Variants in DNAJC18 observed in about 807,000 individuals in gnomAD.
DNAJC18 encodes dnaJ homolog subfamily C member 18.
A neutral mutation model predicts 48.6 loss-of-function variants in DNAJC18; 40 were observed. The ratio of observed to expected loss-of-function variants is 0.82; its 90% CI spans 0.64 to 1.07. DNAJC18 has a LOEUF of 1.07. Ranked by LOEUF, DNAJC18 falls within the 50% of genes least tolerant of loss-of-function variation. The pLI is 0.00. For synonymous variants in DNAJC18, 135 were observed against 152.2 expected (o/e 0.89, Z 0.83); for missense variants, 340 against 427.7 (o/e 0.79, Z 1.81).
intron 1 of DNAJC18, among the ~76,000 whole-genome samples, chr5:139,437,762 G>C (rs1168204580): frequency 6.6e-6 from 1 of 152,176 alleles, no homozygotes; most frequent in African/African-American, 2.4e-5. Flanking sequence ...AAGAGACACT[G>C]CTCGTAAAAT....
At position 139,426,265 on chromosome 5, in the gene DNAJC18, G is replaced by C. The variant is rs890687227; in HGVS notation, c.466C>G (p.Arg156Gly). 8.1e-6 allele frequency: 13 copies of C among 1,614,098 alleles called. No individual in the cohort carries two copies. Among genetic ancestry groups the C allele is most frequent in the Non-Finnish European group, 1.1e-5 (13 of 1,180,044 alleles). ...GDEQVTFTAP[R>G]ARPYNYYRDF... ...CTGTAATAATTATAAGGTCTGGCTC[G>C]AGGGGCAGTGAAAGTCACCTGTTCA... The change falls in exon 4 of 8, where the codon CGA (arginine) becomes GGA (glycine). Residue 156 changes from arginine to glycine, a missense_variant. Arg to Gly is a moderately radical substitution (Grantham distance 125). Coordinates refer to ENST00000302060, the MANE Select transcript of DNAJC18 (RefSeq NM_152686.4).
intron 7 of DNAJC18, among the ~76,000 whole-genome samples, chr5:139,418,496 T>C (rs1488450434): frequency 6.6e-6 from 1 of 152,212 alleles, no homozygotes; most frequent in African/African-American, 2.4e-5. Flanking sequence ...TCTTTCCTGA[T>C]TTTTGATTCT....
At chr5:139,429,420 A>C (rs1212841507) in intron 2 of DNAJC18, among the ~76,000 whole-genome samples, 1 of 152,156 alleles carries the variant, frequency 6.6e-6, no homozygotes, top group African/African-American at 2.4e-5. Context: ...ACATGATAGA[A>C]GAAAAAGAGC....
rs748769325 is a variant in DNAJC18 at position 139,437,413 on chromosome 5, C to A, written c.186G>T (p.Gly62=). The A allele has an allele frequency of 6.2e-7, 1 of 1,613,854 alleles. No homozygotes were observed. Among genetic ancestry groups the A allele is most frequent in the Non-Finnish European group, 8.5e-7 (1 of 1,179,880 alleles). The change falls in exon 2 of 8, where the codon GGG becomes GGT. Residue 62 remains glycine, a synonymous_variant. Transcript: ENST00000302060. ...GCTGTTCCTCACTATACGTGGAGTT[C>A]CCCTCACCCTGCCGGGTCTGAGTCC... ...NEWTQTRQGE[G]NSTYSEEQLL...
At chr5:139,438,416 A>T (rs180884986) in intron 1 of DNAJC18, among the ~76,000 whole-genome samples, 1 of 151,692 alleles carries the variant, frequency 6.6e-6, no homozygotes, top group African/African-American at 2.4e-5. Flanking sequence ...AGTGTATTTT[A>T]TGTGTGGCCC....
intron 3 of DNAJC18, among the ~76,000 whole-genome samples, chr5:139,427,905 C>T (rs1197210883): frequency 1.3e-5 from 2 of 152,218 alleles, no homozygotes; most frequent in Non-Finnish European, 2.9e-5. Context: ...ACCCCATAGG[C>T]GACAACTACC....
At chr5:139,433,012 G>T (rs900136308) in intron 2 of DNAJC18, among the ~76,000 whole-genome samples, 1 of 152,162 alleles carries the variant, frequency 6.6e-6, no homozygotes, top group African/African-American at 2.4e-5. Flanking sequence ...TGGCCGCAGG[G>T]TTCACACCTG....
At chr5:139,414,775 G>A (rs901211924) in intron 7 of DNAJC18, among the ~76,000 whole-genome samples, 21 of 152,244 alleles carry the variant, frequency 1.4e-4, no homozygotes, top group African/African-American at 4.1e-4. Context: ...CACTACTGGC[G>A]CTGTTCATTC....
intron 2 of DNAJC18, among the ~76,000 whole-genome samples, chr5:139,430,862 C>T (rs555194527): frequency 1.8e-4 from 27 of 152,284 alleles, no homozygotes; most frequent in African/African-American, 5.8e-4. Context: ...TGAGCCACCA[C>T]GCCTGGCCTA....
chr5:139,426,200 G>A lies in DNAJC18; in HGVS notation c.531C>T (p.Asn177=), dbSNP rs763804211. ...EADITPEELF[N]VFFGGHFPTG... Reference sequence around the variant, plus strand: ...TAGGAAAATGTCCTCCAAAGAAGACGTTGAACAGCTCTTCTGGAGTGATGT... The same window carrying A: ...TAGGAAAATGTCCTCCAAAGAAGACATTGAACAGCTCTTCTGGAGTGATGT... The change falls in exon 4 of 8, where the codon AAC becomes AAT. Residue 177 remains asparagine, a synonymous_variant. Transcript: ENST00000302060. The A allele has an allele frequency of 3.2e-5, 52 of 1,614,192 alleles. No individual in the cohort carries two copies. The East Asian group carries it at 3.6e-4, about 11-fold the overall frequency.
intron 3 of DNAJC18, among the ~76,000 whole-genome samples, chr5:139,428,209 C>A (rs1183533412): frequency 6.6e-6 from 1 of 152,184 alleles, no homozygotes; most frequent in Non-Finnish European, 1.5e-5. Context: ...TCAGCCAGAG[C>A]AACATGGCAA....
At chr5:139,433,628 G>C (rs1561469801) in intron 2 of DNAJC18, among the ~76,000 whole-genome samples, 1 of 152,152 alleles carries the variant, frequency 6.6e-6, no homozygotes. Context: ...TATTACAGTA[G>C]TACAGTACTA....
At chr5:139,438,503 T>C (rs535570867) in intron 1 of DNAJC18, among the ~76,000 whole-genome samples, 1 of 152,188 alleles carries the variant, frequency 6.6e-6, no homozygotes, top group East Asian at 1.9e-4. Context: ...GAAGATTCAA[T>C]AACAACACCT....
At chr5:139,435,705 G>GTTTTTTTTTTGTTTTTTTTTTTTTTTTT (rs1750628502) in intron 2 of DNAJC18, among the ~76,000 whole-genome samples, 1 of 41,194 alleles carries the variant, frequency 2.4e-5, no homozygotes, top group African/African-American at 1.1e-4. Flanking sequence ...TTCATTGGAA[G>GTTTTTTTTTTGTTTTTTTTTTTTTTTTT]TTTTTTTTTT....
chr5:139,433,609 C>G (rs1188723291), intron 2 of DNAJC18, among the ~76,000 whole-genome samples: 1 of 152,146 alleles, frequency 6.6e-6, no homozygotes, highest in Non-Finnish European at 1.5e-5. Context: ...CAGGAGCTAA[C>G]TACAAAATTA....
intron 3 of DNAJC18, 27 bp downstream of exon 3, chr5:139,428,511 C>T: frequency 6.3e-7 from 1 of 1,596,832 alleles, no homozygotes. Context: ...GACAAGGGCA[C>T]CATTGAGCAT....
At chr5:139,427,357 C>A (rs953369928) in intron 3 of DNAJC18, among the ~76,000 whole-genome samples, 8 of 152,084 alleles carry the variant, frequency 5.3e-5, no homozygotes, top group African/African-American at 1.9e-4. Context: ...TCCGTAGCAC[C>A]AATCAATAGA....
chr5:139,425,266 C>T (rs1240221421), intron 4 of DNAJC18, 152 bp from the exon 5 acceptor site: 4 of 503,674 alleles, frequency 7.9e-6, no homozygotes, highest in South Asian at 2.2e-5. Context: ...TGGGTTCAAG[C>T]GATTCTCCTG....
chr5:139,418,094 A>G (rs757942941), intron 7 of DNAJC18, among the ~76,000 whole-genome samples: 11 of 152,200 alleles, frequency 7.2e-5, no homozygotes, highest in Non-Finnish European at 1.3e-4. Context: ...AAAGCAACAA[A>G]GTCAAAGCCC....
Sources: allele counts gnomAD v4.1 joint callset (sites outside exome capture counted in the v4.1 genomes callset), GRCh38; gene constraint gnomAD v4.1.1; transcripts MANE v1.5; gene names NCBI Gene and HGNC (gene_info 2026-07-23, HGNC 2026-07-21).